SLC44A5: variants seen among roughly 807,000 people sequenced by gnomAD.
SLC44A5 encodes the protein choline transporter-like protein 5.
In SLC44A5, 57 loss-of-function variants were observed where a neutral mutation model predicts 101.8. The observed-to-expected ratio is 0.56, with a 90% CI of 0.45 to 0.70. SLC44A5 has a LOEUF of 0.70. Ranked by LOEUF, SLC44A5 falls within the 30% of genes least tolerant of loss-of-function variation. SLC44A5 has a pLI of 0.00. For synonymous variants in SLC44A5, 281 were observed against 290.9 expected (o/e 0.97, Z 0.35); for missense variants, 737 against 853.1 (o/e 0.86, Z 1.70).
intron 5 of SLC44A5, among the ~76,000 whole-genome samples, chr1:75,284,130 G>T (rs1652847145): frequency 6.6e-6 from 1 of 151,916 alleles, no homozygotes; most frequent in South Asian, 2.1e-4. Flanking sequence ...CCCACCCATG[G>T]GCATGGTATG....
the SLC44A5 span, among the ~76,000 whole-genome samples, chr1:75,670,442 T>C: frequency 6.6e-6 from 1 of 152,166 alleles, no homozygotes; most frequent in Admixed American, 6.5e-5. Context: ...GCCTTCTTTT[T>C]TGCAATTCTA....
chr1:75,534,488 G>C (rs1570549858), intron 2 of SLC44A5, among the ~76,000 whole-genome samples: 1 of 152,112 alleles, frequency 6.6e-6, no homozygotes, highest in South Asian at 2.1e-4. Context: ...TCATACTAAT[G>C]CTCATTAATA....
At chr1:75,483,313 G>A (rs533049040) in intron 2 of SLC44A5, among the ~76,000 whole-genome samples, 1 of 152,252 alleles carries the variant, frequency 6.6e-6, no homozygotes, top group East Asian at 1.9e-4. Flanking sequence ...TTTATTACTG[G>A]TGTTATTAAA....
At chr1:75,475,997 A>G (rs1005351451) in intron 2 of SLC44A5, among the ~76,000 whole-genome samples, 3 of 152,212 alleles carry the variant, frequency 2.0e-5, no homozygotes, top group African/African-American at 7.2e-5. Flanking sequence ...AGCCTGACCA[A>G]TATGGTGAAG....
intron 1 of SLC44A5, among the ~76,000 whole-genome samples, chr1:75,572,682 A>G (rs1392943477): frequency 1.3e-5 from 2 of 152,198 alleles, no homozygotes; most frequent in East Asian, 3.8e-4. Flanking sequence ...GTCCATTGTC[A>G]ATGAAATAAG....
intron 5 of SLC44A5, among the ~76,000 whole-genome samples, chr1:75,279,470 C>T (rs963331884): frequency 1.3e-5 from 2 of 152,104 alleles, no homozygotes; most frequent in African/African-American, 4.8e-5. Context: ...TCATGAAGAA[C>T]CTGGACCCAG....
At chr1:75,703,553 C>T in the SLC44A5 span, among the ~76,000 whole-genome samples, 2 of 151,740 alleles carry the variant, frequency 1.3e-5, no homozygotes, top group Admixed American at 1.3e-4. Context: ...GGAGATATAC[C>T]TAATGTTAAG....
At chr1:75,399,088 T>C (rs1029545240) in intron 2 of SLC44A5, among the ~76,000 whole-genome samples, 1 of 151,826 alleles carries the variant, frequency 6.6e-6, no homozygotes, top group Admixed American at 6.6e-5. Flanking sequence ...TGAGAACTGG[T>C]AGGAGATGGA....
chr1:75,386,889 C>A (rs539326383), intron 3 of SLC44A5, among the ~76,000 whole-genome samples: 98 of 152,078 alleles, frequency 6.4e-4, no homozygotes, highest in African/African-American at 2.4e-3. Context: ...AGAACAGAAC[C>A]CTCAGAAATA....
chr1:75,251,607 A>G (rs1301363960), intron 6 of SLC44A5, among the ~76,000 whole-genome samples: 1 of 152,210 alleles, frequency 6.6e-6, no homozygotes, highest in Non-Finnish European at 1.5e-5. Flanking sequence ...GAAATTTACA[A>G]TATGTCAATT....
the SLC44A5 span, among the ~76,000 whole-genome samples, chr1:75,651,376 A>G: frequency 6.6e-6 from 1 of 152,152 alleles, no homozygotes; most frequent in Non-Finnish European, 1.5e-5. Context: ...CTCTACAGAC[A>G]TTGTTCTAGG....
chr1:75,643,426 A>G, the SLC44A5 span, among the ~76,000 whole-genome samples: 1 of 152,206 alleles, frequency 6.6e-6, no homozygotes, highest in Non-Finnish European at 1.5e-5. Context: ...ACAAGCAAAT[A>G]TCGTTTAATT....
At chr1:75,292,128 T>C (rs1469774493) in intron 5 of SLC44A5, among the ~76,000 whole-genome samples, 1 of 152,118 alleles carries the variant, frequency 6.6e-6, no homozygotes, top group Non-Finnish European at 1.5e-5. Context: ...TTTTAGTTGT[T>C]AGTGTCAGCT....
intron 1 of SLC44A5, among the ~76,000 whole-genome samples, chr1:75,600,100 C>A (rs1674885904): frequency 6.6e-6 from 1 of 152,078 alleles, no homozygotes; most frequent in Non-Finnish European, 1.5e-5. Flanking sequence ...GAAATGATAA[C>A]ACTGACTCAG....
At chr1:75,440,068 T>A (rs897113627) in intron 2 of SLC44A5, among the ~76,000 whole-genome samples, 5 of 152,162 alleles carry the variant, frequency 3.3e-5, no homozygotes, top group Non-Finnish European at 5.9e-5. Context: ...TACATGTCTT[T>A]ATTCATTCAC....
chr1:75,282,972 T>G (rs1652731259), intron 5 of SLC44A5, among the ~76,000 whole-genome samples: 1 of 152,156 alleles, frequency 6.6e-6, no homozygotes, highest in East Asian at 1.9e-4. Context: ...AACATGCGTG[T>G]GCAAGTATCT....
intron 1 of SLC44A5, among the ~76,000 whole-genome samples, chr1:75,605,826 C>T (rs1027394056): frequency 6.6e-6 from 1 of 152,024 alleles, no homozygotes; most frequent in African/African-American, 2.4e-5. Flanking sequence ...CTCCTGCTTC[C>T]GGATCCCTTT....
chr1:75,462,373 T>TA (rs912592035), intron 2 of SLC44A5, among the ~76,000 whole-genome samples: 30 of 152,120 alleles, frequency 2.0e-4, no homozygotes, highest in African/African-American at 7.0e-4. Flanking sequence ...TCACAACACT[T>TA]ACGTCTTTTA....
At chr1:75,214,517 A>G (rs1292925450) in intron 20 of SLC44A5, 88 bp downstream of exon 20, 8 of 971,520 alleles carry the variant, frequency 8.2e-6, no homozygotes, top group African/African-American at 3.3e-5. Flanking sequence ...CAATAATGCC[A>G]CCAACACTTT....
Sources: allele counts gnomAD v4.1 joint callset (sites outside exome capture counted in the v4.1 genomes callset), GRCh38; gene constraint gnomAD v4.1.1; transcripts MANE v1.5; gene names NCBI Gene and HGNC (gene_info 2026-07-23, HGNC 2026-07-21).